Variants in NBEA observed in about 807,000 individuals in gnomAD.
NBEA encodes the protein neurobeachin, also known as lysosomal-trafficking regulator 2.
Under a neutral mutation model 343.4 loss-of-function variants are expected in NBEA, and 44 were observed. That is an observed-to-expected ratio of 0.13 (90% confidence interval 0.10 to 0.16). The LOEUF (loss-of-function observed/expected upper bound fraction) is 0.16, where lower values mean the gene tolerates loss of function less well. NBEA is among the 10% of genes least tolerant of loss of function. The pLI is 1.00. For synonymous variants in NBEA, 1,175 were observed against 1,238.7 expected (o/e 0.95, Z 1.08); for missense variants, 2,555 against 3,631.3 (o/e 0.70, Z 7.62).
intron 11 of NBEA, among the ~76,000 whole-genome samples, chr13:35,100,968 G>A (rs926302045): frequency 4.0e-5 from 6 of 151,632 alleles, no homozygotes; most frequent in Non-Finnish European, 7.4e-5. Context: ...TTGTCTTTTT[G>A]TATTTGGTCC....
At chr13:35,140,330 A>G (rs1042835978) in intron 17 of NBEA, among the ~76,000 whole-genome samples, 1 of 151,992 alleles carries the variant, frequency 6.6e-6, no homozygotes, top group Non-Finnish European at 1.5e-5. Context: ...AGACTAATTT[A>G]GACATATGTT....
intron 41 of NBEA, chr13:35,476,221 T>C (rs2075857772): frequency 6.2e-7 from 1 of 1,601,172 alleles, no homozygotes; most frequent in Admixed American, 1.7e-5. Context: ...TGGAGCCAAC[T>C]TCGGTGGAGA....
chr13:34,973,155 A>C (rs1321281020), intron 1 of NBEA, among the ~76,000 whole-genome samples: 1 of 152,152 alleles, frequency 6.6e-6, no homozygotes, highest in African/African-American at 2.4e-5. Flanking sequence ...CAAAGATGGC[A>C]GCCTACCCCT....
intron 36 of NBEA, among the ~76,000 whole-genome samples, chr13:35,341,352 T>A (rs1364175478): frequency 2.0e-5 from 3 of 152,030 alleles, no homozygotes; most frequent in Non-Finnish European, 4.4e-5. Context: ...ATGGTTTTCA[T>A]AGATATGACA....
At chr13:35,259,004 A>G (rs1475041840) in intron 34 of NBEA, among the ~76,000 whole-genome samples, 2 of 152,164 alleles carry the variant, frequency 1.3e-5, no homozygotes, top group African/African-American at 4.8e-5. Flanking sequence ...TATTAAATAA[A>G]TTTTTTACTT....
intron 38 of NBEA, among the ~76,000 whole-genome samples, chr13:35,401,036 C>T (rs1428954890): frequency 1.3e-5 from 2 of 151,846 alleles, no homozygotes; most frequent in African/African-American, 4.8e-5. Context: ...CACATGTGCC[C>T]TCAAAGCACT....
chr13:34,948,560 G>A (rs1026452240), intron 1 of NBEA, among the ~76,000 whole-genome samples: 1 of 152,112 alleles, frequency 6.6e-6, no homozygotes, highest in Non-Finnish European at 1.5e-5. Flanking sequence ...TCAAATCAGT[G>A]TAAGTTGGGT....
chr13:35,284,093 G>T (rs370731231), intron 34 of NBEA, among the ~76,000 whole-genome samples: 3 of 152,024 alleles, frequency 2.0e-5, no homozygotes, highest in African/African-American at 7.2e-5. Context: ...ATTTGTTTAT[G>T]TATTGTCTAT....
At chr13:35,362,259 A>T (rs1229106987) in intron 38 of NBEA, among the ~76,000 whole-genome samples, 1 of 151,964 alleles carries the variant, frequency 6.6e-6, no homozygotes, top group African/African-American at 2.4e-5. Flanking sequence ...TGTTGGTCAT[A>T]GAGTCTCAAG....
In NBEA at chr13:35,536,924, C is replaced by T. The variant is rs55705641; in HGVS notation, c.6586-13553C>T. 2.7e-3 allele frequency among the ~76,000 whole-genome samples: 410 copies of T among 152,296 alleles called. 3 individuals are homozygous for T. Among genetic ancestry groups the T allele is most frequent in the African/African-American group, 9.1e-3 (379 of 41,556 alleles). On this transcript the variant is annotated intron_variant, in intron 41 of 58. Transcript: ENST00000379939. ...CAGCATGTGGAAACTTTTCTAAATCCGATATACCCCTGGAACTGGCCAGGG... is the reference window on the plus strand; with the variant it reads ...CAGCATGTGGAAACTTTTCTAAATCTGATATACCCCTGGAACTGGCCAGGG...
intron 34 of NBEA, among the ~76,000 whole-genome samples, chr13:35,265,335 C>G (rs1376485526): frequency 6.6e-6 from 1 of 151,802 alleles, no homozygotes; most frequent in Non-Finnish European, 1.5e-5. Context: ...TATCAAAATA[C>G]CAATGACATT....
intron 1 of NBEA, among the ~76,000 whole-genome samples, chr13:34,989,856 AT>A (rs1267110025): frequency 6.6e-6 from 1 of 151,110 alleles, no homozygotes; most frequent in Non-Finnish European, 1.5e-5. Flanking sequence ...CCAAGATACA[AT>A]GGGGCTACAG....
At chr13:35,667,733 A>G (rs1384181135) in intron 57 of NBEA, among the ~76,000 whole-genome samples, 163 bp downstream of exon 57, 2 of 152,252 alleles carry the variant, frequency 1.3e-5, no homozygotes, top group Non-Finnish European at 2.9e-5. Context: ...AAAGAAACCC[A>G]AAGTTCATTT....
At chr13:35,313,553 C>T (rs2037512456) in intron 36 of NBEA, among the ~76,000 whole-genome samples, 1 of 152,164 alleles carries the variant, frequency 6.6e-6, no homozygotes, top group Non-Finnish European at 1.5e-5. Context: ...CCACTGGGTT[C>T]AGCCACAAGG....
At chr13:34,962,258 C>T (rs560902372) in intron 1 of NBEA, among the ~76,000 whole-genome samples, 2 of 151,996 alleles carry the variant, frequency 1.3e-5, no homozygotes, top group South Asian at 2.1e-4. Flanking sequence ...CCCTCTTTTT[C>T]TCTCTATGTG....
chr13:35,204,339 A>T (rs1411667957), intron 31 of NBEA, among the ~76,000 whole-genome samples: 1 of 152,172 alleles, frequency 6.6e-6, no homozygotes, highest in Non-Finnish European at 1.5e-5. Context: ...TTGGACTTAC[A>T]GTTCCACATG....
intron 48 of NBEA, among the ~76,000 whole-genome samples, chr13:35,624,367 C>T (rs1366991453): frequency 6.6e-6 from 1 of 151,978 alleles, no homozygotes; most frequent in East Asian, 1.9e-4. Context: ...TAACCAAGAA[C>T]ACTAAGATAA....
intron 1 of NBEA, among the ~76,000 whole-genome samples, chr13:35,009,053 T>G (rs956794544): frequency 6.6e-6 from 1 of 152,236 alleles, no homozygotes; most frequent in Non-Finnish European, 1.5e-5. Flanking sequence ...TTGGTAGCTC[T>G]CTGATGTCTT....
intron 10 of NBEA, among the ~76,000 whole-genome samples, chr13:35,071,485 T>C (rs181776613): frequency 7.2e-5 from 11 of 152,130 alleles, no homozygotes; most frequent in African/African-American, 2.4e-4. Context: ...TGTGCCAGAC[T>C]CTAATTTAAT....
Sources: gnomAD v4.1 joint callset for allele counts (sites outside exome capture counted in the v4.1 genomes callset) on GRCh38, gnomAD v4.1.1 for gene constraint, MANE v1.5 for transcripts, NCBI Gene and HGNC (gene_info 2026-07-23, HGNC 2026-07-21) for gene names.